The following CSMD1 variants were observed in gnomAD, a reference collection of about 807,000 sequenced individuals.
CSMD1 encodes CUB and Sushi multiple domains 1, also known as CUB and sushi domain-containing protein 1.
In CSMD1, 213 loss-of-function variants were observed where a neutral mutation model predicts 417.5. The ratio of observed to expected loss-of-function variants is 0.51; its 90% CI spans 0.46 to 0.57. The LOEUF (loss-of-function observed/expected upper bound fraction) is 0.57, where lower values mean the gene tolerates loss of function less well. Ranked by LOEUF, CSMD1 falls within the 20% of genes least tolerant of loss-of-function variation. The probability of loss-of-function intolerance (pLI) is 0.00; values close to 1 mark genes in which losing one functional copy is unlikely to be tolerated. For missense variants in CSMD1, 6,923 were observed against 4,529.7 expected, an observed-to-expected ratio of 1.53 and a Z score of -15.17; for synonymous variants, 2,862 against 1,736.8, an observed-to-expected ratio of 1.65 and a Z score of -16.11.
At chr8:3,583,316 G>A (rs943795016) in intron 9 of CSMD1, among the ~76,000 whole-genome samples, 6 of 151,862 alleles carry the variant, frequency 4.0e-5, no homozygotes, top group Admixed American at 1.3e-4. Context: ...CTTTGGAACC[G>A]GGTTGTGGGT....
At chr8:3,985,479 G>A (rs1328474142) in intron 5 of CSMD1, among the ~76,000 whole-genome samples, 5 of 152,026 alleles carry the variant, frequency 3.3e-5, no homozygotes, top group East Asian at 3.9e-4. Context: ...GAACATAATT[G>A]CTGCTCAGAA....
At chr8:3,459,405 A>G (rs1585196796) in intron 12 of CSMD1, among the ~76,000 whole-genome samples, 1 of 152,264 alleles carries the variant, frequency 6.6e-6, no homozygotes, top group East Asian at 1.9e-4. Flanking sequence ...ACTTCCTTGC[A>G]ATGCAGCACC....
intron 6 of CSMD1, among the ~76,000 whole-genome samples, chr8:3,740,848 A>C (rs1314344823): frequency 6.6e-6 from 1 of 152,086 alleles, no homozygotes; most frequent in Non-Finnish European, 1.5e-5. Context: ...AGTGGAGGAG[A>C]GTATAGCAGA....
intron 26 of CSMD1, among the ~76,000 whole-genome samples, chr8:3,268,244 G>C (rs1479499402): frequency 3.0e-5 from 4 of 135,568 alleles, no homozygotes. Flanking sequence ...AATGAGGCCA[G>C]GGCGACTTTC....
intron 2 of CSMD1, among the ~76,000 whole-genome samples, chr8:4,628,427 T>C (rs531458978): frequency 1.3e-5 from 1 of 74,126 alleles, no homozygotes; most frequent in South Asian, 5.6e-4. Flanking sequence ...TACATATATA[T>C]ACACATATAC....
intron 3 of CSMD1, among the ~76,000 whole-genome samples, chr8:4,270,594 T>C (rs1286144994): frequency 6.6e-6 from 1 of 152,168 alleles, no homozygotes; most frequent in Non-Finnish European, 1.5e-5. Context: ...TAGCCCGACT[T>C]CCTGTTCAAC....
intron 12 of CSMD1, among the ~76,000 whole-genome samples, chr8:3,457,401 C>A (rs892234383): frequency 2.0e-5 from 3 of 152,228 alleles, no homozygotes; most frequent in Admixed American, 6.5e-5. Flanking sequence ...CACAAACTTT[C>A]TTTCTGCTCA....
At chr8:3,750,918 T>A (rs149524816) in intron 6 of CSMD1, among the ~76,000 whole-genome samples, 2,998 of 152,258 alleles carry the variant, frequency 0.02, 64 homozygotes, top group Non-Finnish European at 0.026. Flanking sequence ...TCGTAGTGCC[T>A]TTCTGCGTAC....
chr8:4,730,634 G>A (rs554152932), intron 1 of CSMD1, among the ~76,000 whole-genome samples: 39 of 152,098 alleles, frequency 2.6e-4, no homozygotes, highest in Admixed American at 1.8e-3. Flanking sequence ...CCAGCTACTC[G>A]GGAGGCTGAG....
chr8:3,408,375 T>C lies in CSMD1; in HGVS notation c.1745-150A>G. ...TTTTAATATAAGTAATTCTGGACCATAATGTTTTCTCCTTTCCTAATTTGT... is the reference window on the plus strand; with the variant it reads ...TTTTAATATAAGTAATTCTGGACCACAATGTTTTCTCCTTTCCTAATTTGT... On this transcript the variant is annotated intron_variant, in intron 13 of 69. Transcript: ENST00000635120. 4.8e-6 allele frequency: 3 copies of C among 630,456 alleles called. No individual in the cohort carries two copies. In the Admixed American group the frequency reaches 8.9e-5, roughly 19 times the overall value. The allele number at this position is 630,456 out of a possible 1,614,324, so 39.1% of individuals were successfully genotyped here.
intron 4 of CSMD1, among the ~76,000 whole-genome samples, chr8:4,018,668 A>T (rs1056284907): frequency 2.6e-5 from 4 of 152,318 alleles, no homozygotes; most frequent in African/African-American, 9.6e-5. Context: ...TCAAGTTGTA[A>T]TATTTGTTTC....
chr8:4,168,936 C>T (rs896151333), intron 3 of CSMD1, among the ~76,000 whole-genome samples: 2 of 152,136 alleles, frequency 1.3e-5, no homozygotes, highest in Non-Finnish European at 2.9e-5. Context: ...TTAACCTTGG[C>T]CTTTGAGGTA....
At chr8:3,322,596 A>C (rs921209163) in intron 23 of CSMD1, among the ~76,000 whole-genome samples, 6 of 152,166 alleles carry the variant, frequency 3.9e-5, no homozygotes, top group Non-Finnish European at 8.8e-5. Context: ...GCCAGAATGT[A>C]TAATGCACCA....
chr8:3,367,877 G>C (rs561394748), intron 19 of CSMD1, among the ~76,000 whole-genome samples: 1 of 152,144 alleles, frequency 6.6e-6, no homozygotes, highest in Non-Finnish European at 1.5e-5. Context: ...CTTAGGGACA[G>C]TATTTGTCCC....
chr8:4,087,897 T>C (rs571449778), intron 3 of CSMD1, among the ~76,000 whole-genome samples: 3 of 152,252 alleles, frequency 2.0e-5, no homozygotes, highest in Admixed American at 6.5e-5. Flanking sequence ...TGCTCATCTT[T>C]AGAAAAAAGG....
chr8:4,412,281 T>G (rs1347353632), intron 3 of CSMD1, among the ~76,000 whole-genome samples: 1 of 152,120 alleles, frequency 6.6e-6, no homozygotes, highest in Non-Finnish European at 1.5e-5. Context: ...ATGAATAGTT[T>G]ACCACCATCC....
chr8:3,530,209 G>C (rs1797920222), intron 10 of CSMD1, among the ~76,000 whole-genome samples: 1 of 152,070 alleles, frequency 6.6e-6, no homozygotes, highest in Non-Finnish European at 1.5e-5. Flanking sequence ...GCAAGCTTCA[G>C]ATTTAGTTTG....
chr8:3,151,328 C>T, intron 40 of CSMD1, 69 bp downstream of exon 40: 1 of 971,694 alleles, frequency 1.0e-6, no homozygotes, highest in Non-Finnish European at 1.6e-6. Flanking sequence ...GCATTTTATT[C>T]TGCTTAATTC....
intron 3 of CSMD1, among the ~76,000 whole-genome samples, chr8:4,130,844 A>T (rs1235202293): frequency 6.6e-6 from 1 of 151,392 alleles, no homozygotes; most frequent in Non-Finnish European, 1.5e-5. Flanking sequence ...GCTATATTAT[A>T]TATATATTAT....
Sources: gnomAD v4.1 joint callset for allele counts (sites outside exome capture counted in the v4.1 genomes callset) on GRCh38, gnomAD v4.1.1 for gene constraint, MANE v1.5 for transcripts, NCBI Gene and HGNC (gene_info 2026-07-23, HGNC 2026-07-21) for gene names.